FAM47E: variants seen among roughly 807,000 people sequenced by gnomAD.
The protein encoded by FAM47E is family with sequence similarity 47 member E.
In FAM47E, 32 loss-of-function variants were observed where a neutral mutation model predicts 41.6. The observed-to-expected ratio is 0.77, with a 90% CI of 0.58 to 1.03. FAM47E has a LOEUF of 1.03. Among genes scored for constraint, FAM47E ranks in the 50% least tolerant of loss-of-function variants. The pLI, the probability that FAM47E is intolerant of heterozygous loss-of-function variation, is 0.00. For missense variants in FAM47E, 424 were observed against 485.4 expected, an observed-to-expected ratio of 0.87 and a Z score of 1.19; for synonymous variants, 184 against 188.7, an observed-to-expected ratio of 0.98 and a Z score of 0.20.
intron 1 of FAM47E, 22 bp downstream of exon 1, chr4:76,251,842 C>G: frequency 7.1e-7 from 1 of 1,406,300 alleles, no homozygotes; most frequent in Non-Finnish European, 9.2e-7. Context: ...GCGCCCGGGC[C>G]GAGGGCGCAT....
At chr4:76,281,776 A>G (rs994655916) in intron 7 of FAM47E, 7 of 152,162 alleles carry the variant, frequency 4.6e-5, no homozygotes, top group African/African-American at 1.7e-4. Context: ...CTATTGCAGG[A>G]TCTGGCCAGC....
chr4:76,231,761 C>T (rs527534378), intron 2 of FAM47E, among the ~76,000 whole-genome samples: 1 of 152,268 alleles, frequency 6.6e-6, no homozygotes, highest in African/African-American at 2.4e-5. Flanking sequence ...GTGATCCTCT[C>T]CTCTTAAGGT....
intron 1 of FAM47E, among the ~76,000 whole-genome samples, chr4:76,216,406 G>A (rs1733208551): frequency 1.3e-5 from 2 of 152,240 alleles, no homozygotes; most frequent in African/African-American, 2.4e-5. Context: ...CTCTCTGACT[G>A]CTACAATCAG....
chr4:76,277,412 C>T (rs773565398), intron 5 of FAM47E, among the ~76,000 whole-genome samples: 3 of 151,352 alleles, frequency 2.0e-5, no homozygotes, highest in Non-Finnish European at 4.4e-5. Flanking sequence ...TGTGAACCTG[C>T]GAGGCGGAGC....
At chr4:76,256,616 A>T in intron 2 of FAM47E, 93 bp downstream of exon 2, 7 of 1,389,892 alleles carry the variant, frequency 5.0e-6, no homozygotes, top group Non-Finnish European at 6.7e-6. Flanking sequence ...AGAGGGTGAC[A>T]TATTTATAAG....
At chr4:76,282,413 A>G (rs565763839) in intron 7 of FAM47E, 1 of 152,186 alleles carries the variant, frequency 6.6e-6, no homozygotes, top group Non-Finnish European at 1.5e-5. Flanking sequence ...CAAGGGTCGC[A>G]TTCCATTCCC....
In FAM47E at chr4:76,254,888, T is replaced by C. The variant is rs563374266; in HGVS notation, c.75-1290T>C. On this transcript the variant is annotated intron_variant, in intron 1 of 7. Coordinates refer to ENST00000424749, the MANE Select transcript of FAM47E (RefSeq NM_001136570.3). ...CTATTTTCCTTCCTGTTTGCCCATCTGTCTCTTCCATCTCATCTATATGCC... is the reference window on the plus strand; with the variant it reads ...CTATTTTCCTTCCTGTTTGCCCATCCGTCTCTTCCATCTCATCTATATGCC... Among the ~76,000 whole-genome samples, 4 of 152,300 alleles carry C rather than the reference T, an allele frequency of 2.6e-5. No individual in the cohort carries two copies. The East Asian group carries it at 7.7e-4, about 29-fold the overall frequency.
chr4:76,269,692 G>A (rs1405359575), intron 4 of FAM47E: 2 of 152,070 alleles, frequency 1.3e-5, no homozygotes, highest in African/African-American at 2.4e-5. Context: ...GGAGGCTGAG[G>A]TGGGAGGATT....
At chr4:76,270,531 A>G (rs962599087) in intron 4 of FAM47E, among the ~76,000 whole-genome samples, 40 of 152,292 alleles carry the variant, frequency 2.6e-4, no homozygotes, top group African/African-American at 8.7e-4. Flanking sequence ...GACGACGCCC[A>G]CTATGCCTAG....
chr4:76,214,352 A>G (rs763823249), exon 1 of FAM47E: 12 of 452,870 alleles, frequency 2.6e-5, no homozygotes, highest in Non-Finnish European at 4.9e-5. Context: ...TAAGTTTGTC[A>G]CGTAAGGGGC....
intron 4 of FAM47E, chr4:76,269,116 T>C (rs736634): frequency 0.38 from 87,609 of 231,998 alleles, 17,394 homozygotes; most frequent in Admixed American, 0.42. Context: ...TCATTTTTCT[T>C]AGTTAGATTT....
At chr4:76,248,149 C>T (rs1186660715), upstream of FAM47E, among the ~76,000 whole-genome samples, 3 of 151,844 alleles carry the variant, frequency 2.0e-5, no homozygotes, top group African/African-American at 4.8e-5. Flanking sequence ...CTCCTGACAT[C>T]GTGATCCGCC....
intron 2 of FAM47E, among the ~76,000 whole-genome samples, chr4:76,242,896 G>A (rs1409352720): frequency 6.6e-6 from 1 of 152,056 alleles, no homozygotes; most frequent in Non-Finnish European, 1.5e-5. Context: ...TCACATTTGT[G>A]GATTGCATTA....
chr4:76,232,908 C>A (rs957705503), intron 2 of FAM47E, among the ~76,000 whole-genome samples: 1 of 152,100 alleles, frequency 6.6e-6, no homozygotes, highest in African/African-American at 2.4e-5. Flanking sequence ...GCAGCAAAAA[C>A]CTTTAATAAC....
chr4:76,221,605 C>G (rs1361975398), intron 2 of FAM47E, among the ~76,000 whole-genome samples: 1 of 152,150 alleles, frequency 6.6e-6, no homozygotes, highest in Non-Finnish European at 1.5e-5. Context: ...CAGGCATGAG[C>G]CACCGCACCC....
chr4:76,266,869 C>G (rs543668877), intron 3 of FAM47E, among the ~76,000 whole-genome samples: 1 of 152,312 alleles, frequency 6.6e-6, no homozygotes, highest in Non-Finnish European at 1.5e-5. Context: ...CAGCTCAGCT[C>G]TTTGCACATG....
chr4:76,245,910 A>G (rs1342030162), intron 2 of FAM47E, among the ~76,000 whole-genome samples: 2 of 152,102 alleles, frequency 1.3e-5, no homozygotes, highest in Admixed American at 6.5e-5. Flanking sequence ...AACCTTGTCA[A>G]TTTTATCTGT....
At chr4:76,244,461 G>A (rs1407137039) in intron 2 of FAM47E, among the ~76,000 whole-genome samples, 2 of 149,636 alleles carry the variant, frequency 1.3e-5, no homozygotes, top group African/African-American at 4.9e-5. Flanking sequence ...GTACCTCATT[G>A]TGGTTTTGAT....
At chr4:76,282,135 A>G (rs1735379182) in intron 7 of FAM47E, 1 of 152,248 alleles carries the variant, frequency 6.6e-6, no homozygotes, top group African/African-American at 2.4e-5. Flanking sequence ...AATTTCTAAC[A>G]GAATCTTAAA....
Sources: allele counts gnomAD v4.1 joint callset (sites outside exome capture counted in the v4.1 genomes callset), GRCh38; gene constraint gnomAD v4.1.1; transcripts MANE v1.5; gene names NCBI Gene and HGNC (gene_info 2026-07-23, HGNC 2026-07-21).